Variants in PEAR1 observed in about 807,000 individuals in gnomAD.
PEAR1 encodes multiple EGF-like domains protein 12.
In PEAR1, 113 loss-of-function variants were observed where a neutral mutation model predicts 131.2. The ratio of observed to expected loss-of-function variants is 0.86; its 90% CI spans 0.74 to 1.01. The LOEUF is 1.01. PEAR1 is among the 50% of genes least tolerant of loss of function. PEAR1 has a pLI of 0.00. For missense variants in PEAR1, 1,408 were observed against 1,391.1 expected (o/e 1.01, Z -0.19); for synonymous variants, 565 against 523.3 (o/e 1.08, Z -1.09).
chr1:156,909,703 A>G (rs1335042456), intron 11 of PEAR1, 48 bp from the exon 12 acceptor site: 1 of 1,550,690 alleles, frequency 6.4e-7, no homozygotes, highest in Non-Finnish European at 8.7e-7. Flanking sequence ...GTGCTTGCTC[A>G]GGAAGGGAAA....
At chr1:156,914,194 T>A in intron 22 of PEAR1, 94 bp downstream of exon 22, 2 of 1,455,648 alleles carry the variant, frequency 1.4e-6, no homozygotes, top group South Asian at 2.9e-5. Context: ...GAAGGCATGA[T>A]GTGGCATCAA....
chr1:156,909,942 G>T, intron 12 of PEAR1, 28 bp downstream of exon 12: 1 of 1,611,864 alleles, frequency 6.2e-7, no homozygotes, highest in Non-Finnish European at 8.5e-7. Context: ...TGTCTGCCTG[G>T]GGGTGGGGAG....
chr1:156,908,423 A>G lies in PEAR1; in HGVS notation c.1115+83A>G. 1 of 1,405,900 alleles carries G rather than the reference A, an allele frequency of 7.1e-7. No individual in the cohort carries two copies. Among genetic ancestry groups the G allele is most frequent in the Non-Finnish European group, 9.4e-7 (1 of 1,065,128 alleles). 87.1% of individuals were successfully genotyped at this position (1,405,900 alleles called of 1,614,324 possible). A position where few individuals can be genotyped will look rare whatever the true frequency, so the allele number is the denominator to read the frequency against. On this transcript the variant is annotated intron_variant, in intron 9 of 22. Coordinates refer to ENST00000292357, the MANE Select transcript of PEAR1 (RefSeq NM_001080471.3). This position sits in a 1 kb window ranked among gnomAD's most constrained non-coding sequence, Gnocchi z 4.2. ...CCGAAGTCACCACAGAGCCAGGGCC[A>G]TATCCAAGGGGGACAGGTGTCACAG...
rs1280930966 is a variant in PEAR1 at position 156,907,892 on chromosome 1, C to T, written c.766-23C>T. ...GGGAGGAGGCTGGGTGCCTGGGGCC[C>T]TGTTGACCTCTTATCCCCACAGGGC... On this transcript the variant is annotated intron_variant, in intron 7 of 22. Coordinates refer to ENST00000292357, the MANE Select transcript of PEAR1 (RefSeq NM_001080471.3). The T allele has an allele frequency of 7.5e-6, 12 of 1,595,734 alleles. No homozygotes were observed. The South Asian group carries it at 1.1e-4, about 15-fold the overall frequency.
rs75699653 is a variant in PEAR1, at chr1:156,902,203, C to T, written c.-9-1715C>T. 0.015 allele frequency: 2,229 copies of T among 152,500 alleles called. 28 individuals are homozygous for T. Among genetic ancestry groups the T allele is most frequent in the Non-Finnish European group, 0.024 (1,649 of 68,162 alleles). The allele number at this position is 152,500 out of a possible 1,614,324, so 9.4% of individuals were successfully genotyped here. On this transcript the variant is annotated intron_variant, in intron 1 of 22. Transcript: ENST00000292357. The surrounding 1 kb of genome is among the most constrained non-coding windows in gnomAD (Gnocchi z 4.3). ...CTGTTTTCAGGCTTCATATCCTGAA[C>T]GCTGGGATCCCCCAGGACATTCCCT...
chr1:156,908,650 C>G lies in PEAR1; in HGVS notation c.1116-5C>G, dbSNP rs1044765552. ...ACCGCGCCACGCCCCCGCCTCTGCCCCCAGCTGCCACCCGATGAACGGGGA... is the reference window on the plus strand; with the variant it reads ...ACCGCGCCACGCCCCCGCCTCTGCCGCCAGCTGCCACCCGATGAACGGGGA... On this transcript the variant is annotated splice_region_variant and splice_polypyrimidine_tract_variant and intron_variant, in intron 9 of 22. Coordinates refer to ENST00000292357, the MANE Select transcript of PEAR1 (RefSeq NM_001080471.3). This position sits in a 1 kb window ranked among gnomAD's most constrained non-coding sequence, Gnocchi z 4.2. The G allele has an allele frequency of 2.6e-6, 4 of 1,521,692 alleles. No individual in the cohort carries two copies. The highest frequency in any genetic ancestry group is 3.5e-6 in the Non-Finnish European group (4 of 1,139,096). 94.3% of individuals were successfully genotyped at this position (1,521,692 alleles called of 1,614,324 possible).
chr1:156,906,190 G>A lies in PEAR1; in HGVS notation c.308-86G>A. ...TGGAGAACTTCAGGTCCCTGGTTTT[G>A]GAGGAAGGTGGGGTTAGGCTTTGCA... On this transcript the variant is annotated intron_variant, in intron 4 of 22. Coordinates refer to ENST00000292357, the MANE Select transcript of PEAR1 (RefSeq NM_001080471.3). 4 of 1,254,558 alleles carry A rather than the reference G, an allele frequency of 3.2e-6. No individual in the cohort carries two copies. In the South Asian group the frequency reaches 3.9e-5, roughly 12 times the overall value. The allele number at this position is 1,254,558 out of a possible 1,614,324, so 77.7% of individuals were successfully genotyped here.
At chr1:156,912,665 A>G (rs1039252892) in intron 17 of PEAR1, 43 bp downstream of exon 17, 5 of 1,609,486 alleles carry the variant, frequency 3.1e-6, no homozygotes, top group South Asian at 2.2e-5. Context: ...GTCCCCAGGG[A>G]ACTGGGACCT....
chr1:156,909,460 A>G (rs1253610672), intron 11 of PEAR1, among the ~76,000 whole-genome samples: 1 of 152,184 alleles, frequency 6.6e-6, no homozygotes, highest in Admixed American at 6.5e-5. Context: ...CATCCTCTGT[A>G]TAAGTCATTT....
Position 156,910,674 on chromosome 1 carries a change from T to G in PEAR1, c.1882T>G (p.Ser628Ala). Residue 628 changes from serine (S) to alanine (A), a missense_variant, in exon 15 of 23, where the codon TCC (serine) becomes GCC (alanine). Coordinates refer to ENST00000292357, the MANE Select transcript of PEAR1 (RefSeq NM_001080471.3). ...RCVPCKCANH[S>A]FCHPSNGTCY... ...TGTGCCCTGCAAGTGCGCTAACCACTCCTTCTGCCACCCCTCGAACGGGAC... is the reference window on the plus strand; with the variant it reads ...TGTGCCCTGCAAGTGCGCTAACCACGCCTTCTGCCACCCCTCGAACGGGAC... 6.2e-7 allele frequency: 1 copy of G among 1,613,918 alleles called. No homozygotes were observed. The highest frequency in any genetic ancestry group is 8.5e-7 in the Non-Finnish European group (1 of 1,179,946).
At chr1:156,900,098 A>G (rs375359806) in intron 1 of PEAR1, among the ~76,000 whole-genome samples, 3 of 152,190 alleles carry the variant, frequency 2.0e-5, no homozygotes, top group African/African-American at 7.2e-5. Context: ...GCTGGAGTTT[A>G]GGGAAGCCCA....
chr1:156,910,296 A>C lies in PEAR1; in HGVS notation c.1741A>C (p.Thr581Pro). The change falls in exon 14 of 23, where the codon ACC becomes CCC. Residue 581 changes from threonine to proline, a missense_variant. Thr to Pro is a conservative substitution (Grantham distance 38). Transcript: ENST00000292357. The part of the protein sequence containing the change: ...LWGVNCSNTC[T>P]CKNGGTCLPE... Reference sequence around the variant, plus strand: ...GGGAGTCAACTGTAGCAACACCTGCACCTGCAAGAATGGGGGCACCTGTCT... The same window carrying C: ...GGGAGTCAACTGTAGCAACACCTGCCCCTGCAAGAATGGGGGCACCTGTCT... 1 of 1,613,560 alleles carries C rather than the reference A, an allele frequency of 6.2e-7. No individual in the cohort carries two copies. The highest frequency in any genetic ancestry group is 8.5e-7 in the Non-Finnish European group (1 of 1,179,780).
rs893911292 is a variant in PEAR1 at position 156,902,713 on chromosome 1, G to A, written c.-9-1205G>A. ...AGAAAAATTATAAGCAGATGTGGGC[G>A]CCTCGGGGAGGCGTAGAGCAGGGAG... is the stretch of plus-strand genomic sequence containing the variant. On this transcript the variant is annotated intron_variant, in intron 1 of 22. Coordinates refer to ENST00000292357, the MANE Select transcript of PEAR1 (RefSeq NM_001080471.3). The surrounding 1 kb of genome is among the most constrained non-coding windows in gnomAD (Gnocchi z 4.3). 6.6e-6 allele frequency among the ~76,000 whole-genome samples: 1 copy of A among 152,120 alleles called. No homozygotes were observed. The highest frequency in any genetic ancestry group is 6.5e-5 in the Admixed American group (1 of 15,270).
chr1:156,911,291 T>C (rs1267602224), intron 15 of PEAR1, among the ~76,000 whole-genome samples: 1 of 148,386 alleles, frequency 6.7e-6, no homozygotes, highest in Non-Finnish European at 1.5e-5. Context: ...CTTTCTTTTT[T>C]TTTTTTTTGA....
rs753084403 is a variant in PEAR1, at chr1:156,914,684, G to A, written c.3000G>A (p.Pro1000=). The change falls in exon 23 of 23, where the codon CCG becomes CCA. Residue 1000 remains proline (P), a synonymous_variant. Coordinates refer to ENST00000292357, the MANE Select transcript of PEAR1 (RefSeq NM_001080471.3). ...DSVGSQPPLP[P]GLPPGHYDSP... is the part of the protein sequence containing the mutation. ...TGGGCTCCCAGCCCCCTCTGCCTCC[G>A]GGCCTACCCCCCGGCCACTATGACT... The A allele has an allele frequency of 1.5e-5, 25 of 1,613,246 alleles. 1 individual carries two copies. The highest frequency in any genetic ancestry group is 1.1e-4 in the South Asian group (10 of 90,950).
intron 15 of PEAR1, among the ~76,000 whole-genome samples, chr1:156,911,047 TTCTTTC>T (rs745999767): frequency 1.9e-5 from 2 of 107,414 alleles, no homozygotes; most frequent in Non-Finnish European, 3.4e-5. Context: ...TTTTCTTTCT[TTCTTTC>T]TTTCTTTCTT....
At position 156,914,995 on chromosome 1, in the gene PEAR1, G is replaced by C. The variant is rs1391755935; in HGVS notation, c.*197G>C. The C allele has an allele frequency of 8.2e-6, 5 of 611,386 alleles. 1 individual carries two copies. In the South Asian group the frequency reaches 1.1e-4, roughly 14 times the overall value. The allele number at this position is 611,386 out of a possible 1,614,324, so 37.9% of individuals were successfully genotyped here. A position where few individuals can be genotyped will look rare whatever the true frequency, so the allele number is the denominator to read the frequency against. ...GAGACGCTGATCAGCAGGATGCCTG[G>C]CTCCCTTTCCCAACCCACTGCTCCC... On this transcript the variant is annotated 3_prime_UTR_variant, in exon 23 of 23. Coordinates refer to ENST00000292357, the MANE Select transcript of PEAR1 (RefSeq NM_001080471.3).
chr1:156,895,252 G>A (rs1434966635), intron 1 of PEAR1, among the ~76,000 whole-genome samples: 1 of 152,182 alleles, frequency 6.6e-6, no homozygotes, highest in Admixed American at 6.5e-5. Flanking sequence ...GGAAACTCAC[G>A]CTCCAGGCAG....
rs144471706 is a variant in PEAR1, at chr1:156,905,334, C to T, written c.217C>T (p.Arg73Trp). ...HTCPQPTVVYRTVYRQVVKTD... is the reference protein window; with the variant it reads ...HTCPQPTVVYWTVYRQVVKTD... ...TCCTGGCCTCCGCAGGGTTGTATACCGGACCGTGTACCGTCAGGTGGTGAA... is the reference window on the plus strand; with the variant it reads ...TCCTGGCCTCCGCAGGGTTGTATACTGGACCGTGTACCGTCAGGTGGTGAA... Residue 73 changes from arginine (R) to tryptophan (W), a missense_variant, in exon 4 of 23, where the codon CGG becomes TGG. Transcript: ENST00000292357. 1.6e-4 allele frequency: 256 copies of T among 1,611,704 alleles called. No homozygotes were observed. Among genetic ancestry groups the T allele is most frequent in the Non-Finnish European group, 2.0e-4 (231 of 1,179,596 alleles).
Sources: allele counts gnomAD v4.1 joint callset (sites outside exome capture counted in the v4.1 genomes callset), GRCh38; gene constraint gnomAD v4.1.1; non-coding constraint Gnocchi (gnomAD v3.1); transcripts MANE v1.5; gene names NCBI Gene and HGNC (gene_info 2026-07-23, HGNC 2026-07-21).